HNF4A: variants seen among roughly 807,000 people sequenced by gnomAD.
HNF4A encodes hepatocyte nuclear factor 4-alpha.
HNF4A carries 15 observed loss-of-function variants against 52.4 expected under a neutral mutation model. That is an observed-to-expected ratio of 0.29 (90% CI 0.19 to 0.44). The LOEUF is 0.44. Among genes scored for constraint, HNF4A ranks in the 20% least tolerant of loss-of-function variants. HNF4A has a pLI of 1.00. For missense variants in HNF4A, 479 were observed against 647.2 expected, an observed-to-expected ratio of 0.74 and a Z score of 2.82; for synonymous variants, 280 against 264.4, an observed-to-expected ratio of 1.06 and a Z score of -0.57.
At position 44,406,165 on chromosome 20, in the gene HNF4A, T is replaced by C; in HGVS notation, c.223T>C (p.Ser75Pro). The stretch of plus-strand genomic sequence containing the variant: ...GGCCACGGGCAAACACTACGGTGCC[T>C]CGAGCTGTGACGGCTGCAAGGGCTT... Residue 75 changes from serine (S) to proline (P), a missense_variant, in exon 2 of 10, where the codon TCG (serine) becomes CCG (proline). Around this residue, in one of 3 missense-constraint regions of HNF4A, gnomAD observed 90 missense variants for 105.5 expected, o/e 0.85. Transcript: ENST00000316099. The C allele has an allele frequency of 6.2e-7, 1 of 1,613,984 alleles. No individual in the cohort carries two copies. Among genetic ancestry groups the C allele is most frequent in the Middle Eastern group, 1.7e-4 (1 of 5,992 alleles).
At chr20:44,370,046 C>T (rs888461487) in intron 1 of HNF4A, among the ~76,000 whole-genome samples, 2 of 151,326 alleles carry the variant, frequency 1.3e-5, no homozygotes, top group South Asian at 4.2e-4. Flanking sequence ...GTTTGTTTTG[C>T]GACGGAGTCT....
intron 1 of HNF4A, among the ~76,000 whole-genome samples, chr20:44,370,183 G>A (rs1475415070): frequency 6.6e-6 from 1 of 152,108 alleles, no homozygotes. Flanking sequence ...GCCCGCCACT[G>A]CGCCCGGCTA....
upstream of HNF4A, among the ~76,000 whole-genome samples, chr20:44,397,158 A>G (rs2063360743): frequency 6.6e-6 from 1 of 152,212 alleles, no homozygotes; most frequent in Non-Finnish European, 1.5e-5. Context: ...TATTTTTTAT[A>G]AGCATAGAAA....
At chr20:44,357,702 G>A (rs2062873359) in intron 1 of HNF4A, among the ~76,000 whole-genome samples, 1 of 152,116 alleles carries the variant, frequency 6.6e-6, no homozygotes, top group Non-Finnish European at 1.5e-5. Context: ...CGACAGGTAG[G>A]TGGGTGAATG....
chr20:44,395,876 A>G (rs1256900136), intron 1 of HNF4A, among the ~76,000 whole-genome samples: 1 of 152,114 alleles, frequency 6.6e-6, no homozygotes, highest in Non-Finnish European at 1.5e-5. Context: ...GGAAGAAAAG[A>G]TAGGAGATAA....
intron 1 of HNF4A, among the ~76,000 whole-genome samples, chr20:44,382,655 G>A (rs1164775839): frequency 6.6e-6 from 1 of 152,084 alleles, no homozygotes; most frequent in Non-Finnish European, 1.5e-5. Context: ...AGAATGCCAA[G>A]GACCTCTTAG....
chr20:44,395,020 T>G (rs1414353791), intron 1 of HNF4A, among the ~76,000 whole-genome samples: 2 of 152,168 alleles, frequency 1.3e-5, no homozygotes, highest in Non-Finnish European at 2.9e-5. Flanking sequence ...CTCATCTTCC[T>G]CTCGGAAATA....
chr20:44,398,611 T>C (rs935869682), upstream of HNF4A, among the ~76,000 whole-genome samples: 2 of 152,180 alleles, frequency 1.3e-5, no homozygotes, highest in Non-Finnish European at 2.9e-5. Context: ...GATTTACTTA[T>C]GGGGTAGGTT....
At chr20:44,383,653 G>A (rs2063183374) in intron 1 of HNF4A, among the ~76,000 whole-genome samples, 1 of 151,052 alleles carries the variant, frequency 6.6e-6, no homozygotes, top group African/African-American at 2.4e-5. Flanking sequence ...CTGGGTTCAA[G>A]TGATTCTCCT....
intron 1 of HNF4A, among the ~76,000 whole-genome samples, chr20:44,378,789 C>CAG (rs2063115772): frequency 1.3e-5 from 2 of 151,400 alleles, no homozygotes; most frequent in Non-Finnish European, 2.9e-5. Flanking sequence ...CGTGGTGGTG[C>CAG]GTGCCTGTAA....
At chr20:44,365,111 A>G (rs1484416399) in intron 1 of HNF4A, among the ~76,000 whole-genome samples, 1 of 152,184 alleles carries the variant, frequency 6.6e-6, no homozygotes, top group Non-Finnish European at 1.5e-5. Flanking sequence ...CACACGTTAA[A>G]TATGTATAAC....
chr20:44,405,969 C>A, intron 1 of HNF4A, 89 bp from the exon 2 acceptor site: 1 of 1,298,538 alleles, frequency 7.7e-7, no homozygotes, highest in African/African-American at 1.4e-5. Context: ...TGGCTGAGGC[C>A]GAAGCCCTGG....
rs2063784513 is a variant in HNF4A at position 44,424,085 on chromosome 20, G to A, written c.960G>A (p.Glu320=). Residue 320 remains glutamate, a synonymous_variant, in exon 8 of 10, where the codon GAG becomes GAA. Coordinates refer to ENST00000316099, the MANE Select transcript of HNF4A (RefSeq NM_000457.6). Reference sequence around the variant, plus strand: ...GTTCCCAGGTGCAGGTGAGCTTGGAGGACTACATCAACGACCGCCAGTATG... The same window carrying A: ...GTTCCCAGGTGCAGGTGAGCTTGGAAGACTACATCAACGACCGCCAGTATG... The A allele has an allele frequency of 6.2e-7, 1 of 1,613,282 alleles. No individual in the cohort carries two copies. Among genetic ancestry groups the A allele is most frequent in the African/African-American group, 1.3e-5 (1 of 74,954 alleles).
At chr20:44,429,407 A>C in intron 9 of HNF4A, 116 bp from the exon 10 acceptor site, 3 of 1,093,158 alleles carry the variant, frequency 2.7e-6, no homozygotes, top group Non-Finnish European at 4.1e-6. Context: ...TTATAGAGGA[A>C]GAAATTAAGT....
At position 44,377,496 on chromosome 20, in the gene HNF4A, CT is replaced by C. The variant is rs566214616; in HGVS notation, c.49+21644del. On this transcript the variant is annotated intron_variant, in intron 1 of 9. Coordinates refer to the HNF4A transcript ENST00000316673. ...AAACACATGCAGCCGGGCGCGGTAG[CT>C]CATGCCTGTAATCCAAGCACTTTGG... 1.2e-4 allele frequency among the ~76,000 whole-genome samples: 18 copies of C among 152,172 alleles called. No individual in the cohort carries two copies. The South Asian group carries it at 3.7e-3, about 32-fold the overall frequency.
intron 2 of HNF4A, among the ~76,000 whole-genome samples, 160 bp from the exon 3 acceptor site, chr20:44,407,221 T>C (rs1284633245): frequency 1.3e-5 from 2 of 152,128 alleles, no homozygotes; most frequent in South Asian, 4.1e-4. Context: ...AGAGAGTTCA[T>C]AGCACCTTTC....
At chr20:44,415,915 T>C (rs896378133) in intron 5 of HNF4A, among the ~76,000 whole-genome samples, 3 of 152,096 alleles carry the variant, frequency 2.0e-5, no homozygotes. Context: ...TTCCTTGTGC[T>C]CTGGCCCCAG....
intron 1 of HNF4A, among the ~76,000 whole-genome samples, chr20:44,367,058 G>A (rs999036868): frequency 9.9e-5 from 15 of 152,118 alleles, no homozygotes; most frequent in African/African-American, 3.4e-4. Flanking sequence ...ACTCCTGGCC[G>A]GGTGCGGTGG....
chr20:44,398,494 T>A (rs1440775042), upstream of HNF4A, among the ~76,000 whole-genome samples: 1 of 152,252 alleles, frequency 6.6e-6, no homozygotes, highest in Non-Finnish European at 1.5e-5. Context: ...AGGTGGTGCG[T>A]CATTTATATG....
Sources: allele counts gnomAD v4.1 joint callset (sites outside exome capture counted in the v4.1 genomes callset), GRCh38; gene constraint gnomAD v4.1.1; regional missense constraint gnomAD v4.1.1; transcripts MANE v1.5; gene names NCBI Gene and HGNC (gene_info 2026-07-23, HGNC 2026-07-21).